The following SDK1 variants were observed in gnomAD, a reference collection of about 807,000 sequenced individuals.
The protein encoded by SDK1 is sidekick cell adhesion molecule 1, also known as protein sidekick-1.
In SDK1, 157 loss-of-function variants were observed where a neutral mutation model predicts 245.5. The ratio of observed to expected loss-of-function variants is 0.64; its 90% confidence interval spans 0.56 to 0.73. The LOEUF (loss-of-function observed/expected upper bound fraction) is 0.73. SDK1 is among the 30% of genes least tolerant of loss of function. The pLI is 0.00. For missense variants in SDK1, 3,583 were observed against 3,002.3 expected (o/e 1.19, Z -4.52); for synonymous variants, 1,647 against 1,278.5 (o/e 1.29, Z -6.15).
At chr7:3,564,547 C>G (rs558264559) in intron 1 of SDK1, among the ~76,000 whole-genome samples, 166 of 151,766 alleles carry the variant, frequency 1.1e-3, no homozygotes, top group African/African-American at 3.9e-3. Context: ...AGCTGTAGAC[C>G]AAAGAAATTT....
chr7:3,762,368 G>T (rs1400007314), intron 4 of SDK1, among the ~76,000 whole-genome samples: 2 of 152,196 alleles, frequency 1.3e-5, no homozygotes, highest in Non-Finnish European at 2.9e-5. Flanking sequence ...ATGAAGGGCG[G>T]CTCTGCGCCC....
intron 14 of SDK1, among the ~76,000 whole-genome samples, chr7:4,007,928 A>T (rs149326924): frequency 1.3e-5 from 2 of 152,170 alleles, no homozygotes; most frequent in African/African-American, 4.8e-5. Flanking sequence ...TAAAAAATCC[A>T]TCATGTTCAC....
At chr7:4,066,573 C>T (rs181967843) in intron 19 of SDK1, among the ~76,000 whole-genome samples, 9 of 152,296 alleles carry the variant, frequency 5.9e-5, no homozygotes, top group Admixed American at 3.9e-4. Context: ...TAACGGCATC[C>T]GGGAGAACAT....
chr7:3,327,563 A>G (rs778660668), intron 1 of SDK1, among the ~76,000 whole-genome samples: 1 of 152,132 alleles, frequency 6.6e-6, no homozygotes, highest in Non-Finnish European at 1.5e-5. Flanking sequence ...CGGTTTTGCC[A>G]TATAAGAAAA....
intron 5 of SDK1, among the ~76,000 whole-genome samples, chr7:3,880,988 C>A (rs78665304): frequency 0.013 from 1,925 of 152,162 alleles, 33 homozygotes; most frequent in African/African-American, 0.038. Context: ...GCCCACTCAC[C>A]CTTGAGAACA....
intron 1 of SDK1, among the ~76,000 whole-genome samples, chr7:3,359,020 G>A (rs909419391): frequency 6.6e-6 from 1 of 152,130 alleles, no homozygotes; most frequent in Non-Finnish European, 1.5e-5. Context: ...AGTTATGCTG[G>A]TTTCCTCAGG....
At chr7:3,906,382 ATG>A (rs567304323) in intron 5 of SDK1, among the ~76,000 whole-genome samples, 43 of 150,114 alleles carry the variant, frequency 2.9e-4, no homozygotes, top group Non-Finnish European at 4.2e-4. Flanking sequence ...CTGTATGCGT[ATG>A]TGTGTGTGTG....
chr7:3,987,284 G>A lies in SDK1; in HGVS notation c.2093G>A (p.Ser698Asn). 6.2e-7 allele frequency: 1 copy of A among 1,614,130 alleles called. No individual in the cohort carries two copies. Among genetic ancestry groups the A allele is most frequent in the Non-Finnish European group, 8.5e-7 (1 of 1,179,976 alleles). The change falls in exon 14 of 45, where the codon AGT becomes AAT. Residue 698 changes from serine to asparagine, a missense_variant. Coordinates refer to ENST00000404826, the MANE Select transcript of SDK1 (RefSeq NM_152744.4). ...LSWVRPFDGN[S>N]PILYYIVELS... Reference sequence around the variant, plus strand: ...TGGGTCCGGCCCTTTGATGGAAACAGTCCTATTCTTTATTACATCGTGGAG... The same window carrying A: ...TGGGTCCGGCCCTTTGATGGAAACAATCCTATTCTTTATTACATCGTGGAG...
At chr7:4,139,263 C>T (rs1310099216) in intron 28 of SDK1, among the ~76,000 whole-genome samples, 1 of 152,232 alleles carries the variant, frequency 6.6e-6, no homozygotes. Flanking sequence ...GTGGGGCACC[C>T]ACCCTAGGGC....
At chr7:3,316,259 TA>T (rs1383932902) in intron 1 of SDK1, among the ~76,000 whole-genome samples, 1 of 152,224 alleles carries the variant, frequency 6.6e-6, no homozygotes, top group Non-Finnish European at 1.5e-5. Context: ...TGAAAGATTA[TA>T]ATTCTGTATG....
At chr7:3,586,591 G>C (rs1160345821) in intron 1 of SDK1, among the ~76,000 whole-genome samples, 2 of 151,164 alleles carry the variant, frequency 1.3e-5, no homozygotes, top group Admixed American at 1.3e-4. Flanking sequence ...TGTAGTCCTA[G>C]CTACTCGGGA....
intron 22 of SDK1, among the ~76,000 whole-genome samples, chr7:4,101,066 C>T (rs898621728): frequency 2.0e-5 from 3 of 152,152 alleles, no homozygotes; most frequent in South Asian, 2.1e-4. Context: ...CCAGAGAGGC[C>T]GCCTTGCCTG....
chr7:3,838,096 C>T (rs540135550), intron 5 of SDK1, among the ~76,000 whole-genome samples: 6 of 152,302 alleles, frequency 3.9e-5, no homozygotes, highest in East Asian at 3.9e-4. Flanking sequence ...CAAGTATAGC[C>T]GCTTAGTCAT....
chr7:3,720,146 C>G (rs1350254083), intron 4 of SDK1, among the ~76,000 whole-genome samples: 2 of 151,954 alleles, frequency 1.3e-5, no homozygotes, highest in African/African-American at 4.8e-5. Flanking sequence ...AAACCAGCCA[C>G]TCGGGAGGCT....
intron 5 of SDK1, among the ~76,000 whole-genome samples, chr7:3,910,318 C>T (rs907288365): frequency 6.6e-6 from 1 of 152,206 alleles, no homozygotes; most frequent in Admixed American, 6.5e-5. Context: ...TCAAAATTGT[C>T]TCTTGTCAGG....
At chr7:3,949,298 A>C (rs1290164740) in intron 5 of SDK1, among the ~76,000 whole-genome samples, 2 of 152,228 alleles carry the variant, frequency 1.3e-5, no homozygotes, top group African/African-American at 4.8e-5. Context: ...TGTCTGCATC[A>C]GGCTTCTGTT....
intron 1 of SDK1, among the ~76,000 whole-genome samples, chr7:3,454,663 G>C (rs969131621): frequency 1.3e-4 from 20 of 152,104 alleles, no homozygotes; most frequent in African/African-American, 4.6e-4. Context: ...AATCTGATTT[G>C]TTGTGTTTAT....
intron 35 of SDK1, among the ~76,000 whole-genome samples, chr7:4,202,343 C>T (rs56270699): frequency 9.2e-5 from 14 of 152,326 alleles, no homozygotes; most frequent in East Asian, 3.9e-4. Flanking sequence ...TGGTCCCTCC[C>T]GCTGCCGCCC....
intron 5 of SDK1, among the ~76,000 whole-genome samples, chr7:3,855,811 G>T (rs1168723899): frequency 6.6e-6 from 1 of 152,148 alleles, no homozygotes; most frequent in Admixed American, 6.5e-5. Context: ...AAAGTTCTGA[G>T]GGGAAAACTT....
Sources: gnomAD v4.1 joint callset for allele counts (sites outside exome capture counted in the v4.1 genomes callset) on GRCh38, gnomAD v4.1.1 for gene constraint, MANE v1.5 for transcripts, NCBI Gene and HGNC (gene_info 2026-07-23, HGNC 2026-07-21) for gene names.